The following COL6A3 variants were observed in gnomAD, a reference collection of about 807,000 sequenced individuals.
COL6A3 encodes the protein collagen alpha-3(VI) chain.
Under a neutral mutation model 274.1 loss-of-function variants are expected in COL6A3, and 137 were observed. That is an observed-to-expected ratio of 0.50 (90% CI 0.44 to 0.58). The LOEUF is 0.58. COL6A3 is among the 20% of genes least tolerant of loss of function. The probability of loss-of-function intolerance (pLI) is 0.00; values close to 1 mark genes in which losing one functional copy is unlikely to be tolerated. For missense variants in COL6A3, 3,950 were observed against 4,124.9 expected, an observed-to-expected ratio of 0.96 and a Z score of 1.16; for synonymous variants, 1,650 against 1,650.6, an observed-to-expected ratio of 1.00 and a Z score of 0.01.
intron 8 of COL6A3, among the ~76,000 whole-genome samples, chr2:237,373,713 C>A (rs116778581): frequency 0.04 from 6,013 of 152,202 alleles, 395 homozygotes; most frequent in African/African-American, 0.14. Flanking sequence ...ACCCCCCCCA[C>A]CCGAGTGACC....
chr2:237,367,521 A>G (rs1336120095), intron 10 of COL6A3, among the ~76,000 whole-genome samples: 1 of 152,238 alleles, frequency 6.6e-6, no homozygotes, highest in Non-Finnish European at 1.5e-5. Context: ...GAAAGGAGAA[A>G]AATTATTTGA....
chr2:237,413,075 G>A lies in COL6A3; in HGVS notation c.-31+878C>T, dbSNP rs1204260701. Among the ~76,000 whole-genome samples, 1 of 152,152 alleles carries A rather than the reference G, an allele frequency of 6.6e-6. No homozygotes were observed. Among genetic ancestry groups the A allele is most frequent in the African/African-American group, 2.4e-5 (1 of 41,436 alleles). Reference sequence around the variant, plus strand: ...TGAAACAGGTTCCCCAAACAGGCTGGCCACTGTCAGCGAACGTGTCCATCC... The same window carrying A: ...TGAAACAGGTTCCCCAAACAGGCTGACCACTGTCAGCGAACGTGTCCATCC... On this transcript the variant is annotated intron_variant, in intron 1 of 43. Transcript: ENST00000295550. The surrounding 1 kb of genome is among the most constrained non-coding windows in gnomAD (Gnocchi z 4.0).
chr2:237,370,922 A>G (rs2077671465), intron 9 of COL6A3, among the ~76,000 whole-genome samples: 1 of 152,204 alleles, frequency 6.6e-6, no homozygotes, highest in South Asian at 2.1e-4. Context: ...TTGTAACCCT[A>G]TCTGAACACA....
chr2:237,385,835 A>G (rs991313891), intron 4 of COL6A3, among the ~76,000 whole-genome samples: 25 of 152,180 alleles, frequency 1.6e-4, no homozygotes, highest in African/African-American at 6.0e-4. Flanking sequence ...CATTCAGAAC[A>G]TTATTTTCAA....
Position 237,324,240 on chromosome 2 carries a change from A to G in COL6A3, c.*534T>C, listed in dbSNP as rs1699814191. ...GGGATTTTGCTTCCTTCTGAACTAG[A>G]TCATTTGTTAGAGGCTTCAGAAAAA... On this transcript the variant is annotated 3_prime_UTR_variant, in exon 44 of 44. Transcript: ENST00000295550. 1 of 159,012 alleles carries G rather than the reference A, an allele frequency of 6.3e-6. No homozygotes were observed. The highest frequency in any genetic ancestry group is 1.9e-4 in the South Asian group (1 of 5,404). The allele number at this position is 159,012 out of a possible 1,614,324, so 9.9% of individuals were successfully genotyped here.
rs372234605 is a variant in COL6A3 at position 237,371,909 on chromosome 2, C to T, written c.4108G>A (p.Ala1370Thr). Residue 1370 changes from alanine to threonine, a missense_variant, in exon 9 of 44, where the codon GCC (alanine) becomes ACC (threonine). Coordinates refer to ENST00000295550, the MANE Select transcript of COL6A3 (RefSeq NM_004369.4). The surrounding 1 kb of genome is among the most constrained non-coding windows in gnomAD (Gnocchi z 4.3). ...KQFGVAPFTI[A>T]RNADQEELVK... is the part of the protein sequence containing the mutation. ...AGCTCCTCCTGGTCTGCGTTCCTGG[C>T]GATCGTGAAAGGGGCCACGCCAAAC... The T allele has an allele frequency of 6.2e-6, 10 of 1,613,892 alleles. No homozygotes were observed. The highest frequency in any genetic ancestry group is 2.2e-5 in the South Asian group (2 of 91,062).
At chr2:237,328,648 A>G (rs867406917) in intron 42 of COL6A3, 5 of 152,244 alleles carry the variant, frequency 3.3e-5, no homozygotes, top group Admixed American at 6.5e-5. Context: ...CAAAAAATAT[A>G]TGTATTCTTC....
chr2:237,351,729 A>T (rs2077210500), intron 26 of COL6A3, among the ~76,000 whole-genome samples: 1 of 152,372 alleles, frequency 6.6e-6, no homozygotes, highest in South Asian at 2.1e-4. Flanking sequence ...ATAGCTTTGC[A>T]TCTATACCAT....
intron 4 of COL6A3, among the ~76,000 whole-genome samples, chr2:237,385,619 G>A (rs1300902095): frequency 1.3e-5 from 2 of 152,124 alleles, no homozygotes; most frequent in African/African-American, 4.8e-5. Flanking sequence ...CAAAACATAG[G>A]GAAATCTCTG....
At chr2:237,408,801 C>A (rs1190773841) in intron 1 of COL6A3, among the ~76,000 whole-genome samples, 1 of 152,190 alleles carries the variant, frequency 6.6e-6, no homozygotes, top group East Asian at 1.9e-4. Context: ...ATGCTGAATG[C>A]AGCCAGACCC....
rs1294108389 is a variant in COL6A3 at position 237,344,891 on chromosome 2, C to A, written c.7175-48G>T. On this transcript the variant is annotated intron_variant, in intron 35 of 43. Coordinates refer to ENST00000295550, the MANE Select transcript of COL6A3 (RefSeq NM_004369.4). This position sits in a 1 kb window ranked among gnomAD's most constrained non-coding sequence, Gnocchi z 4.8. ...GGTTAAAGACAAACTGTACTTACTACAAAAGGGAGGCTTCCTTTCCTTAGG... is the reference window on the plus strand; with the variant it reads ...GGTTAAAGACAAACTGTACTTACTAAAAAAGGGAGGCTTCCTTTCCTTAGG... 1 of 1,613,908 alleles carries A rather than the reference C, an allele frequency of 6.2e-7. No homozygotes were observed. Among genetic ancestry groups the A allele is most frequent in the Non-Finnish European group, 8.5e-7 (1 of 1,180,030 alleles).
At chr2:237,329,113 A>T (rs10191631) in intron 42 of COL6A3, 99,405 of 152,128 alleles carry the variant, frequency 0.65, 32,783 homozygotes, top group Middle Eastern at 0.76. Context: ...TGGAATGAAG[A>T]GGTATGATCT....
chr2:237,353,451 A>C (rs1574965152), intron 24 of COL6A3, 48 bp from the exon 25 acceptor site: 1 of 1,518,020 alleles, frequency 6.6e-7, no homozygotes, highest in Non-Finnish European at 9.1e-7. Flanking sequence ...GGTTCCTGTC[A>C]ATGTCAGCTC....
Position 237,368,555 on chromosome 2 carries a change from G to T in COL6A3, c.4900+8C>A, listed in dbSNP as rs758960357. ...ACACTCTGTAGTCATGGGTCACACGGTGCATACCTGGCCGTGAAGGAGGAG... is the reference window on the plus strand; with the variant it reads ...ACACTCTGTAGTCATGGGTCACACGTTGCATACCTGGCCGTGAAGGAGGAG... On this transcript the variant is annotated splice_region_variant and intron_variant, in intron 10 of 43. Transcript: ENST00000295550. This position sits in a 1 kb window ranked among gnomAD's most constrained non-coding sequence, Gnocchi z 4.4. The T allele has an allele frequency of 6.2e-7, 1 of 1,614,084 alleles. No individual in the cohort carries two copies. Among genetic ancestry groups the T allele is most frequent in the Non-Finnish European group, 8.5e-7 (1 of 1,179,980 alleles).
chr2:237,341,277 G>A (rs1241938174), intron 37 of COL6A3, 127 bp from the exon 38 acceptor site: 1 of 922,434 alleles, frequency 1.1e-6, no homozygotes, highest in Non-Finnish European at 1.7e-6. Flanking sequence ...CGGAAGCGGT[G>A]GCTCACGCCT....
In COL6A3 at chr2:237,365,875, C is replaced by A; in HGVS notation, c.5661G>T (p.Val1887=). The change falls in exon 12 of 44, where the codon GTG becomes GTT. Residue 1887 remains valine (V), a synonymous_variant. Transcript: ENST00000295550. The part of the protein sequence containing the change: ...CSGGRSPTVR[V]SVVANTPSGP... The stretch of plus-strand genomic sequence containing the variant: ...CCGAGGGCGTGTTGGCCACCACTGA[C>A]ACACGCACGGTGGGCGAGCGGCCAC... 1 of 1,614,204 alleles carries A rather than the reference C, an allele frequency of 6.2e-7. No homozygotes were observed. Among genetic ancestry groups the A allele is most frequent in the Non-Finnish European group, 8.5e-7 (1 of 1,180,034 alleles).
At position 237,368,558 on chromosome 2, in the gene COL6A3, C is replaced by T; in HGVS notation, c.4900+5G>A. The T allele has an allele frequency of 1.2e-6, 2 of 1,614,066 alleles. No homozygotes were observed. The highest frequency in any genetic ancestry group is 1.7e-6 in the Non-Finnish European group (2 of 1,179,974). The stretch of plus-strand genomic sequence containing the variant: ...CTCTGTAGTCATGGGTCACACGGTG[C>T]ATACCTGGCCGTGAAGGAGGAGGGG... On this transcript the variant is annotated splice_donor_5th_base_variant and intron_variant, in intron 10 of 43. Transcript: ENST00000295550. This position sits in a 1 kb window ranked among gnomAD's most constrained non-coding sequence, Gnocchi z 4.4.
chr2:237,394,120 G>A lies in COL6A3; in HGVS notation c.709+467C>T, dbSNP rs540705087. ...CTACCAACACTCTTAAATTAACTCC[G>A]TAAAGTAGAAGAGAGAAGCTCTCTG... On this transcript the variant is annotated intron_variant, in intron 3 of 43. Coordinates refer to ENST00000295550, the MANE Select transcript of COL6A3 (RefSeq NM_004369.4). Among the ~76,000 whole-genome samples the A allele has an allele frequency of 2.6e-5, 4 of 152,254 alleles. No homozygotes were observed. In the South Asian group the frequency reaches 6.2e-4, roughly 24 times the overall value.
At chr2:237,389,839 T>G (rs1318203273) in intron 3 of COL6A3, among the ~76,000 whole-genome samples, 1 of 152,270 alleles carries the variant, frequency 6.6e-6, no homozygotes, top group Non-Finnish European at 1.5e-5. Flanking sequence ...AATTAAGATC[T>G]TGTGTTTTTA....
Sources: gnomAD v4.1 joint callset for allele counts (sites outside exome capture counted in the v4.1 genomes callset) on GRCh38, gnomAD v4.1.1 for gene constraint, Gnocchi (gnomAD v3.1) non-coding constraint, MANE v1.5 for transcripts, NCBI Gene and HGNC (gene_info 2026-07-23, HGNC 2026-07-21) for gene names.